Variants in TMCC3 observed in about 807,000 individuals in gnomAD.
The protein encoded by TMCC3 is transmembrane and coiled-coil domain family 3.
Under a neutral mutation model 40.2 loss-of-function variants are expected in TMCC3, and 28 were observed. The observed-to-expected ratio is 0.70, with a 90% CI of 0.52 to 0.95. The LOEUF is 0.95. TMCC3 is among the 40% of genes least tolerant of loss of function. The pLI is 0.00. For missense variants in TMCC3, 554 were observed against 615.2 expected (o/e 0.90, Z 1.05); for synonymous variants, 255 against 248.5 (o/e 1.03, Z -0.25).
chr12:94,615,771 G>C (rs1432332584), intron 1 of TMCC3, among the ~76,000 whole-genome samples: 1 of 152,212 alleles, frequency 6.6e-6, no homozygotes, highest in Non-Finnish European at 1.5e-5. Flanking sequence ...AGAAATTAGG[G>C]AGGGATTTGG....
chr12:94,594,497 A>T (rs2068703586), intron 1 of TMCC3, among the ~76,000 whole-genome samples: 1 of 152,158 alleles, frequency 6.6e-6, no homozygotes, highest in Non-Finnish European at 1.5e-5. Flanking sequence ...GCTAGGCACT[A>T]AACTTAAGGT....
intron 3 of TMCC3, among the ~76,000 whole-genome samples, chr12:94,573,833 T>C (rs1235336974): frequency 6.6e-6 from 1 of 152,218 alleles, no homozygotes; most frequent in Non-Finnish European, 1.5e-5. Flanking sequence ...CCATCCCTTC[T>C]TCACCCGTGG....
At chr12:94,575,972 C>G (rs1429264905) in intron 3 of TMCC3, among the ~76,000 whole-genome samples, 1 of 151,910 alleles carries the variant, frequency 6.6e-6, no homozygotes, top group Non-Finnish European at 1.5e-5. Context: ...AAATTTTTTT[C>G]TAATTATGTT....
intron 1 of TMCC3, among the ~76,000 whole-genome samples, chr12:94,615,695 C>T (rs2068843905): frequency 6.6e-6 from 1 of 152,160 alleles, no homozygotes; most frequent in Non-Finnish European, 1.5e-5. Flanking sequence ...TTTAAAAGGA[C>T]ATAACAATAA....
At chr12:94,592,766 A>G (rs536539359) in intron 1 of TMCC3, among the ~76,000 whole-genome samples, 42 of 151,520 alleles carry the variant, frequency 2.8e-4, no homozygotes, top group Non-Finnish European at 5.2e-4. Flanking sequence ...GAATACACAT[A>G]TCTTTCATGG....
At chr12:94,627,780 C>T (rs1184173346) in intron 1 of TMCC3, among the ~76,000 whole-genome samples, 1 of 152,236 alleles carries the variant, frequency 6.6e-6, no homozygotes, top group African/African-American at 2.4e-5. Flanking sequence ...TTGGGCCTCC[C>T]CAGCCCTCTT....
intron 1 of TMCC3, among the ~76,000 whole-genome samples, chr12:94,630,555 T>C (rs1393732157): frequency 6.6e-6 from 1 of 152,168 alleles, no homozygotes; most frequent in Non-Finnish European, 1.5e-5. Context: ...GTTGTGTCTC[T>C]TTCTTGGCAC....
At position 94,614,928 on chromosome 12, in the gene TMCC3, A is replaced by G. The variant is rs1254416912; in HGVS notation, c.79-32390T>C. ...CAGACGCTGCTACCACTCCCAGCTAATTTTTGTATTTTAAACAACAGAAAT... is the reference window on the plus strand; with the variant it reads ...CAGACGCTGCTACCACTCCCAGCTAGTTTTTGTATTTTAAACAACAGAAAT... On this transcript the variant is annotated intron_variant, in intron 1 of 3. Transcript: ENST00000261226. 2.0e-5 allele frequency among the ~76,000 whole-genome samples: 3 copies of G among 151,860 alleles called. No individual in the cohort carries two copies. In the East Asian group the frequency reaches 5.8e-4, roughly 29 times the overall value.
At chr12:94,595,718 C>A (rs571530052) in intron 1 of TMCC3, among the ~76,000 whole-genome samples, 3 of 152,190 alleles carry the variant, frequency 2.0e-5, no homozygotes, top group Non-Finnish European at 4.4e-5. Context: ...GATCAACAGT[C>A]ATTTCTTCGC....
intron 1 of TMCC3, among the ~76,000 whole-genome samples, chr12:94,591,315 T>C (rs796663779): frequency 3.0e-4 from 46 of 152,324 alleles, no homozygotes; most frequent in African/African-American, 1.1e-3. Context: ...TTTTAACTTT[T>C]CTAAAGCTCT....
chr12:94,605,005 G>A (rs559616309), intron 1 of TMCC3, among the ~76,000 whole-genome samples: 1 of 152,168 alleles, frequency 6.6e-6, no homozygotes, highest in South Asian at 2.1e-4. Flanking sequence ...CTAAAAGTTG[G>A]AGTGTCTAAA....
chr12:94,597,345 C>A (rs894698302), intron 1 of TMCC3, among the ~76,000 whole-genome samples: 4 of 151,184 alleles, frequency 2.6e-5, no homozygotes, highest in Non-Finnish European at 4.4e-5. Flanking sequence ...AAATTAAGAT[C>A]TCCCACGTAC....
At chr12:94,610,321 A>T (rs1594286434) in intron 1 of TMCC3, among the ~76,000 whole-genome samples, 1 of 152,238 alleles carries the variant, frequency 6.6e-6, no homozygotes, top group Admixed American at 6.5e-5. Context: ...GTTACATATC[A>T]TAATCTCCTT....
intron 1 of TMCC3, among the ~76,000 whole-genome samples, chr12:94,612,248 G>C (rs2068820707): frequency 6.6e-6 from 1 of 151,396 alleles, no homozygotes; most frequent in African/African-American, 2.4e-5. Flanking sequence ...CAATCCGCCT[G>C]CCTTGGCCTC....
At chr12:94,631,236 C>T (rs1366404800) in intron 1 of TMCC3, among the ~76,000 whole-genome samples, 5 of 152,098 alleles carry the variant, frequency 3.3e-5, no homozygotes, top group Non-Finnish European at 4.4e-5. Context: ...GAAATATGCA[C>T]GTATGCACAC....
chr12:94,625,400 T>C (rs1006638404), intron 1 of TMCC3, among the ~76,000 whole-genome samples: 2 of 151,660 alleles, frequency 1.3e-5, no homozygotes, highest in Non-Finnish European at 2.9e-5. Context: ...TCTAGACCAG[T>C]CTGGCCAACA....
chr12:94,619,378 T>G (rs1301348915), intron 1 of TMCC3, among the ~76,000 whole-genome samples: 1 of 152,210 alleles, frequency 6.6e-6, no homozygotes, highest in East Asian at 1.9e-4. Flanking sequence ...ACTCTCCTTG[T>G]AAATTCAGGA....
At chr12:94,634,266 T>G (rs1314729182) in intron 1 of TMCC3, among the ~76,000 whole-genome samples, 1 of 152,120 alleles carries the variant, frequency 6.6e-6, no homozygotes, top group African/African-American at 2.4e-5. Context: ...TTATTCTTAT[T>G]TATCTATCTG....
In TMCC3 at chr12:94,632,086, C is replaced by T. The variant is rs185231144; in HGVS notation, c.78+18267G>A. Among the ~76,000 whole-genome samples, 84 of 152,282 alleles carry T rather than the reference C, an allele frequency of 5.5e-4. 1 individual carries two copies. Among genetic ancestry groups the T allele is most frequent in the Non-Finnish European group, 9.1e-4 (62 of 68,026 alleles). On this transcript the variant is annotated intron_variant, in intron 1 of 3. Coordinates refer to ENST00000261226, the MANE Select transcript of TMCC3 (RefSeq NM_020698.4). ...GTATCACATGATTCCATTTATACTG[C>T]ATTATGAAAAAGCAAAACTGTAAGG...
Sources: allele counts gnomAD v4.1 joint callset (sites outside exome capture counted in the v4.1 genomes callset), GRCh38; gene constraint gnomAD v4.1.1; transcripts MANE v1.5; gene names NCBI Gene and HGNC (gene_info 2026-07-23, HGNC 2026-07-21).